DGKB: variants seen among roughly 807,000 people sequenced by gnomAD.
DGKB encodes diacylglycerol kinase beta.
DGKB carries 67 observed loss-of-function variants against 114.3 expected under a neutral mutation model. That is an observed-to-expected ratio of 0.59 (90% CI 0.48 to 0.72). The LOEUF (loss-of-function observed/expected upper bound fraction) is 0.72, where lower values mean the gene tolerates loss of function less well. Among genes scored for constraint, DGKB ranks in the 30% least tolerant of loss-of-function variants. The pLI, the probability that DGKB is intolerant of heterozygous loss-of-function variation, is 0.00. For synonymous variants in DGKB, 398 were observed against 323.1 expected (o/e 1.23, Z -2.49); for missense variants, 907 against 975.2 (o/e 0.93, Z 0.93).
intron 20 of DGKB, among the ~76,000 whole-genome samples, chr7:14,544,971 C>T (rs759735981): frequency 1.3e-5 from 2 of 151,948 alleles, no homozygotes; most frequent in African/African-American, 2.4e-5. Flanking sequence ...TGCTTCTTCA[C>T]GTTGATGCCA....
At chr7:14,531,887 A>G (rs1230350643) in intron 20 of DGKB, among the ~76,000 whole-genome samples, 1 of 151,330 alleles carries the variant, frequency 6.6e-6, no homozygotes, top group East Asian at 1.9e-4. Flanking sequence ...TGGTCAATAG[A>G]TTTTTGAGAA....
intron 20 of DGKB, among the ~76,000 whole-genome samples, chr7:14,508,249 T>C (rs118083966): frequency 2.6e-5 from 4 of 152,336 alleles, no homozygotes; most frequent in Non-Finnish European, 5.9e-5. Context: ...GTGGCTCTAT[T>C]AAATATTCTT....
intron 1 of DGKB, among the ~76,000 whole-genome samples, chr7:14,893,995 C>T (rs906330618): frequency 6.6e-6 from 1 of 151,018 alleles, no homozygotes; most frequent in Non-Finnish European, 1.5e-5. Flanking sequence ...ATGGTAGGTG[C>T]TCAAAAATTT....
At chr7:14,763,199 T>C (rs1486198985) in intron 2 of DGKB, among the ~76,000 whole-genome samples, 2 of 152,046 alleles carry the variant, frequency 1.3e-5, no homozygotes, top group African/African-American at 4.8e-5. Flanking sequence ...TGAGTGAAGT[T>C]CAACATAATG....
intron 21 of DGKB, among the ~76,000 whole-genome samples, chr7:14,404,347 G>A (rs1487124002): frequency 6.6e-6 from 1 of 151,338 alleles, no homozygotes; most frequent in Non-Finnish European, 1.5e-5. Context: ...TTTTTTTATT[G>A]AATATTATGC....
intron 20 of DGKB, among the ~76,000 whole-genome samples, chr7:14,520,205 T>C (rs1455066935): frequency 7.7e-6 from 1 of 130,106 alleles, no homozygotes; most frequent in Non-Finnish European, 1.7e-5. Flanking sequence ...TTTATCTTTT[T>C]TCCTATTTTT....
chr7:14,853,687 T>C (rs1172556658), intron 1 of DGKB, among the ~76,000 whole-genome samples: 1 of 151,492 alleles, frequency 6.6e-6, no homozygotes, highest in Non-Finnish European at 1.5e-5. Context: ...AAACCACGTC[T>C]CTACTGAAAA....
intron 23 of DGKB, among the ~76,000 whole-genome samples, chr7:14,277,037 T>C (rs1421595820): frequency 6.6e-6 from 1 of 152,182 alleles, no homozygotes; most frequent in Non-Finnish European, 1.5e-5. Flanking sequence ...TATTATTGAC[T>C]ATAGTCACTC....
intron 21 of DGKB, among the ~76,000 whole-genome samples, chr7:14,423,340 A>G (rs950373670): frequency 3.3e-5 from 5 of 152,056 alleles, no homozygotes; most frequent in African/African-American, 1.2e-4. Flanking sequence ...ATAAATGTCA[A>G]AAAGAATGGT....
At chr7:14,779,625 T>G (rs992246085) in intron 2 of DGKB, among the ~76,000 whole-genome samples, 40 of 152,138 alleles carry the variant, frequency 2.6e-4, no homozygotes, top group African/African-American at 9.7e-4. Flanking sequence ...AAGTAAAGGC[T>G]CCCACAAATT....
chr7:14,400,713 A>G (rs1186428776), intron 21 of DGKB, among the ~76,000 whole-genome samples: 2 of 151,454 alleles, frequency 1.3e-5, no homozygotes, highest in East Asian at 3.9e-4. Context: ...ATGAAAAAAA[A>G]AATTCTGTCT....
chr7:14,805,134 A>C (rs937372219), intron 2 of DGKB, among the ~76,000 whole-genome samples: 3 of 152,080 alleles, frequency 2.0e-5, no homozygotes, highest in Non-Finnish European at 2.9e-5. Context: ...ATTCAATCCT[A>C]AATCCAACTG....
chr7:14,628,427 G>C (rs1167554205), intron 14 of DGKB, among the ~76,000 whole-genome samples: 1 of 151,936 alleles, frequency 6.6e-6, no homozygotes, highest in African/African-American at 2.4e-5. Flanking sequence ...TTTCTTCACA[G>C]ATGTTCTTGA....
At chr7:14,170,177 GAAAGAAAGAA>G (rs1562523853) in intron 25 of DGKB, among the ~76,000 whole-genome samples, 8 of 146,236 alleles carry the variant, frequency 5.5e-5, no homozygotes, top group Middle Eastern at 3.4e-3. Context: ...AAGAAAGAAA[GAAAGAAAGAA>G]AGAAAGAAAG....
At chr7:14,651,293 A>T (rs1422992720) in intron 13 of DGKB, among the ~76,000 whole-genome samples, 1 of 152,128 alleles carries the variant, frequency 6.6e-6, no homozygotes, top group Non-Finnish European at 1.5e-5. Flanking sequence ...CAAAAAGCTT[A>T]TCCACCATGA....
chr7:14,943,595 G>T (rs1176133748), intron 1 of DGKB, among the ~76,000 whole-genome samples: 3 of 151,382 alleles, frequency 2.0e-5, no homozygotes, highest in African/African-American at 7.3e-5. Context: ...CCAGACATTT[G>T]TTATAAAGAA....
chr7:14,843,366 C>T (rs1352476617), intron 1 of DGKB, among the ~76,000 whole-genome samples: 6 of 128,046 alleles, frequency 4.7e-5, no homozygotes, highest in East Asian at 4.3e-4. Flanking sequence ...CTCGCTCTGT[C>T]GCCCAGGCCG....
intron 6 of DGKB, among the ~76,000 whole-genome samples, chr7:14,703,712 C>A (rs1400993243): frequency 6.6e-6 from 1 of 152,084 alleles, no homozygotes; most frequent in Non-Finnish European, 1.5e-5. Flanking sequence ...ACCATCCCAG[C>A]CCAATTTAAT....
At chr7:14,360,382 C>A (rs1815474275) in intron 21 of DGKB, among the ~76,000 whole-genome samples, 1 of 151,758 alleles carries the variant, frequency 6.6e-6, no homozygotes, top group Non-Finnish European at 1.5e-5. Context: ...TTAATGGGTG[C>A]AGCAAGCTAA....
Sources: gnomAD v4.1 joint callset for allele counts (sites outside exome capture counted in the v4.1 genomes callset) on GRCh38, gnomAD v4.1.1 for gene constraint, MANE v1.5 for transcripts, NCBI Gene and HGNC (gene_info 2026-07-23, HGNC 2026-07-21) for gene names.